Variants in PLIN2 observed in about 807,000 individuals in gnomAD.
The protein encoded by PLIN2 is perilipin 2.
In PLIN2, 33 loss-of-function variants were observed where a neutral mutation model predicts 30.6. That is an observed-to-expected ratio of 1.08 (90% CI 0.82 to 1.44). The LOEUF (loss-of-function observed/expected upper bound fraction) is 1.44, where lower values mean the gene tolerates loss of function less well. Ranked by LOEUF, PLIN2 falls within the 40% of genes most tolerant of loss-of-function variation. The pLI, the probability that PLIN2 is intolerant of heterozygous loss-of-function variation, is 0.00. For missense variants in PLIN2, 610 were observed against 531.8 expected (o/e 1.15, Z -1.45); for synonymous variants, 205 against 201.1 (o/e 1.02, Z -0.16).
Position 19,116,525 on chromosome 9 carries a change from A to C in PLIN2, c.1037T>G (p.Met346Arg). 6.2e-7 allele frequency: 1 copy of C among 1,614,022 alleles called. No individual in the cohort carries two copies. Among genetic ancestry groups the C allele is most frequent in the Non-Finnish European group, 8.5e-7 (1 of 1,179,998 alleles). The change falls in exon 8 of 8, where the codon ATG becomes AGG. Residue 346 changes from methionine (M) to arginine (R), a missense_variant. Transcript: ENST00000276914. The stretch of plus-strand genomic sequence containing the variant: ...GTAGATGTCGCCTGCCATCACCCCC[A>C]TGTGCTTGGCTTGATCTTGGATGTT... The part of the protein sequence containing the change: ...PQNIQDQAKH[M>R]GVMAGDIYSV...
downstream of PLIN2, among the ~76,000 whole-genome samples, chr9:19,115,175 T>G (rs1425454589): frequency 1.3e-5 from 2 of 152,240 alleles, no homozygotes; most frequent in African/African-American, 4.8e-5. Context: ...AGGGGTCCAG[T>G]AAGTTGGCAA....
intron 4 of PLIN2, among the ~76,000 whole-genome samples, chr9:19,122,299 G>A (rs1043255446): frequency 6.6e-6 from 1 of 151,974 alleles, no homozygotes. Context: ...TAATATTTTG[G>A]TCAGCGATGG....
chr9:19,119,723 G>C lies in PLIN2; in HGVS notation c.704C>G (p.Ala235Gly), dbSNP rs1281929681. Residue 235 changes from alanine (A) to glycine (G), a missense_variant, in exon 6 of 8, where the codon GCT becomes GGT. Transcript: ENST00000276914. ...TKLHSRAYQQ[A>G]LSRVKEAKQK... ...CTTAGCTTCTTTAACCCTGCTGAGA[G>C]CCTGCTGGTAGGCACGGGAGTGAAG... 6.2e-7 allele frequency: 1 copy of C among 1,612,688 alleles called. No individual in the cohort carries two copies. Among genetic ancestry groups the C allele is most frequent in the African/African-American group, 1.3e-5 (1 of 75,036 alleles).
chr9:19,117,214 G>A (rs970274651), intron 7 of PLIN2, among the ~76,000 whole-genome samples: 1 of 151,322 alleles, frequency 6.6e-6, no homozygotes, highest in Admixed American at 6.6e-5. Flanking sequence ...AGGCTGGAGG[G>A]CACTGGCACA....
chr9:19,112,251 C>T (rs1366583457), downstream of PLIN2, among the ~76,000 whole-genome samples: 1 of 152,208 alleles, frequency 6.6e-6, no homozygotes, highest in African/African-American at 2.4e-5. Flanking sequence ...CCCTGAGGCA[C>T]ACCATGCCAG....
intron 4 of PLIN2, among the ~76,000 whole-genome samples, chr9:19,121,646 A>G (rs1354550493): frequency 6.6e-6 from 1 of 152,172 alleles, no homozygotes; most frequent in Non-Finnish European, 1.5e-5. Flanking sequence ...CAGTTATTAT[A>G]CATGGCAGGG....
chr9:19,127,351 C>T lies in PLIN2; in HGVS notation c.-23+68G>A, dbSNP rs1394350024. The T allele has an allele frequency of 6.6e-6, 1 of 152,364 alleles. No homozygotes were observed. Among genetic ancestry groups the T allele is most frequent in the Non-Finnish European group, 1.5e-5 (1 of 68,192 alleles). 9.4% of individuals were successfully genotyped at this position (152,364 alleles called of 1,614,324 possible). The stretch of plus-strand genomic sequence containing the variant: ...GGTCCCAAGGCCCCGGGGAGCCCCC[C>T]ACCCCAACTGGGCGCCGCTGGGGGC... On this transcript the variant is annotated intron_variant, in intron 1 of 7. Coordinates refer to ENST00000276914, the MANE Select transcript of PLIN2 (RefSeq NM_001122.4). This position sits in a 1 kb window ranked among gnomAD's most constrained non-coding sequence, Gnocchi z 4.3.
chr9:19,112,872 C>G (rs1818175492), downstream of PLIN2, among the ~76,000 whole-genome samples: 1 of 152,088 alleles, frequency 6.6e-6, no homozygotes, highest in African/African-American at 2.4e-5. Context: ...CTTCTAGAAG[C>G]TAAGGATGTT....
At chr9:19,119,080 C>T (rs562707520) in intron 6 of PLIN2, among the ~76,000 whole-genome samples, 1 of 152,208 alleles carries the variant, frequency 6.6e-6, no homozygotes, top group South Asian at 2.1e-4. Context: ...TCCCTGTTGC[C>T]AACCACTATT....
chr9:19,119,535 A>G (rs906770507), intron 6 of PLIN2, 115 bp downstream of exon 6: 9 of 637,520 alleles, frequency 1.4e-5, no homozygotes, highest in African/African-American at 1.1e-4. Context: ...CCAGTTTTCT[A>G]TTGGGTTGTT....
In PLIN2 at chr9:19,125,783, C is replaced by T. The variant is rs185430924; in HGVS notation, c.226+331G>A. ...ACTAAAAATACAAAAATTAGCTGGG[C>T]ATGGTGGTGGGAGCCTGTAGTCCCA... On this transcript the variant is annotated intron_variant, in intron 3 of 7. Coordinates refer to ENST00000276914, the MANE Select transcript of PLIN2 (RefSeq NM_001122.4). 7.7e-4 allele frequency: 156 copies of T among 201,610 alleles called. 2 individuals carry two copies. The East Asian group carries it at 0.015, about 19-fold the overall frequency. 12.5% of individuals were successfully genotyped at this position (201,610 alleles called of 1,614,324 possible).
chr9:19,121,775 C>G (rs1403851700), intron 4 of PLIN2, among the ~76,000 whole-genome samples: 3 of 151,988 alleles, frequency 2.0e-5, no homozygotes, highest in Non-Finnish European at 4.4e-5. Flanking sequence ...CTACTAAATA[C>G]AAAAAATTAG....
At chr9:19,125,091 T>A (rs1414417366) in intron 3 of PLIN2, among the ~76,000 whole-genome samples, 1 of 152,234 alleles carries the variant, frequency 6.6e-6, no homozygotes, top group Non-Finnish European at 1.5e-5. Flanking sequence ...GGGGAGTGAC[T>A]ACTAAGTATG....
intron 6 of PLIN2, 145 bp downstream of exon 6, chr9:19,119,505 G>A (rs775913048): frequency 1.2e-5 from 7 of 565,258 alleles, no homozygotes; most frequent in Middle Eastern, 5.2e-4. Context: ...TTTTCTGTGA[G>A]CTGTCTCCAT....
At chr9:19,109,529 A>T (rs547920965) in intron 2 of PLIN2, among the ~76,000 whole-genome samples, 103 of 137,300 alleles carry the variant, frequency 7.5e-4, no homozygotes, top group Non-Finnish European at 1.2e-3. Flanking sequence ...CGACAGAGCG[A>T]GACTCTGTCT....
intron 1 of PLIN2, among the ~76,000 whole-genome samples, chr9:19,126,810 G>T (rs1347318445): frequency 6.6e-6 from 1 of 152,168 alleles, no homozygotes; most frequent in East Asian, 1.9e-4. Context: ...GGGAGGCCGA[G>T]GGGGGTGGAC....
At chr9:19,110,780 C>T (rs921069051), downstream of PLIN2, among the ~76,000 whole-genome samples, 2 of 152,020 alleles carry the variant, frequency 1.3e-5, no homozygotes, top group African/African-American at 4.8e-5. Context: ...CCAGCCAGCT[C>T]TACTATCTTT....
chr9:19,119,944 T>A (rs1441594793), intron 5 of PLIN2, 113 bp from the exon 6 acceptor site: 1 of 666,308 alleles, frequency 1.5e-6, no homozygotes, highest in African/African-American at 1.8e-5. Context: ...CACTTAGCAA[T>A]CATGCAGTCA....
chr9:19,110,569 A>G (rs1456224429), intron 2 of PLIN2, among the ~76,000 whole-genome samples: 1 of 151,994 alleles, frequency 6.6e-6, no homozygotes, highest in Non-Finnish European at 1.5e-5. Context: ...TCCACCTCCC[A>G]GGTTCAAGTG....
Sources: gnomAD v4.1 joint callset for allele counts (sites outside exome capture counted in the v4.1 genomes callset) on GRCh38, gnomAD v4.1.1 for gene constraint, Gnocchi (gnomAD v3.1) non-coding constraint, MANE v1.5 for transcripts, NCBI Gene and HGNC (gene_info 2026-07-23, HGNC 2026-07-21) for gene names.